WDCP: variants seen among roughly 807,000 people sequenced by gnomAD.
WDCP encodes the protein WD repeat and coiled-coil-containing protein.
A neutral mutation model predicts 41.6 loss-of-function variants in WDCP; 19 were observed. The ratio of observed to expected loss-of-function variants is 0.46; its 90% CI spans 0.32 to 0.67. The LOEUF (loss-of-function observed/expected upper bound fraction) is 0.67, where lower values mean the gene tolerates loss of function less well. Among genes scored for constraint, WDCP ranks in the 30% least tolerant of loss-of-function variants. WDCP has a pLI of 0.04. For synonymous variants in WDCP, 302 were observed against 320.8 expected, an observed-to-expected ratio of 0.94 and a Z score of 0.63; for missense variants, 802 against 850.7, an observed-to-expected ratio of 0.94 and a Z score of 0.71.
At position 24,037,879 on chromosome 2, in the gene WDCP, G is replaced by A. The variant is rs770729263; in HGVS notation, c.1616C>T (p.Pro539Leu). Residue 539 changes from proline to leucine, a missense_variant, in exon 2 of 4, where the codon CCT (proline) becomes CTT (leucine). By Grantham distance (98) the Pro-to-Leu change is moderately conservative. Around this residue, in one of 5 missense-constraint regions of WDCP, gnomAD observed 321 missense variants for 305.1 expected, o/e 1.05. Coordinates refer to ENST00000295148, the MANE Select transcript of WDCP (RefSeq NM_025203.3). The stretch of plus-strand genomic sequence containing the variant: ...GTTCTTTCTTTGAGGCAAACGAGGA[G>A]GCTCCAGTGTGCTGGTGTGGTCTGG... ...STPDHTSTLE[P>L]PRLPQRKNLQ... 1 of 1,614,062 alleles carries A rather than the reference G, an allele frequency of 6.2e-7. No homozygotes were observed. Among genetic ancestry groups the A allele is most frequent in the African/African-American group, 1.3e-5 (1 of 74,900 alleles).
chr2:24,041,559 G>GAGCCACCC (rs1413931715), intron 1 of WDCP, among the ~76,000 whole-genome samples: 1 of 151,858 alleles, frequency 6.6e-6, no homozygotes, highest in Non-Finnish European at 1.5e-5. Context: ...TCATAGGCAT[G>GAGCCACCC]AGCCACCCAG....
chr2:24,036,385 T>C (rs1229101771), intron 2 of WDCP, among the ~76,000 whole-genome samples: 1 of 151,294 alleles, frequency 6.6e-6, no homozygotes, highest in African/African-American at 2.4e-5. Flanking sequence ...CATGTGCTTG[T>C]AGTCTCAGCT....
rs1214674697 is a variant in WDCP at position 24,039,283 on chromosome 2, T to C, written c.212A>G (p.Asp71Gly). The change falls in exon 2 of 4, where the codon GAT (aspartate) becomes GGT (glycine). Residue 71 changes from aspartate (D) to glycine (G), a missense_variant. Coordinates refer to ENST00000295148, the MANE Select transcript of WDCP (RefSeq NM_025203.3). ...GACAGCGAGTAGAACAGGTGTATCA[T>C]CTGCAACAGGTGGGGCCCAGGACAA... is the stretch of plus-strand genomic sequence containing the variant. ...CGLSWAPPVA[D>G]DTPVLLAVQH... 1.2e-6 allele frequency: 2 copies of C among 1,614,094 alleles called. No individual in the cohort carries two copies. Among genetic ancestry groups the C allele is most frequent in the Non-Finnish European group, 1.7e-6 (2 of 1,180,050 alleles).
chr2:24,037,928 A>G lies in WDCP; in HGVS notation c.1567T>C (p.Ser523Pro). 2 of 1,614,148 alleles carry G rather than the reference A, an allele frequency of 1.2e-6. No individual in the cohort carries two copies. The highest frequency in any genetic ancestry group is 1.7e-6 in the Non-Finnish European group (2 of 1,180,008). The change falls in exon 2 of 4, where the codon TCG becomes CCG. Residue 523 changes from serine to proline, a missense_variant. This residue lies in a region of WDCP where 321 missense variants were observed against 305.1 expected (regional missense o/e 1.05). Coordinates refer to ENST00000295148, the MANE Select transcript of WDCP (RefSeq NM_025203.3). ...LDAEPVTQPA[S>P]LPRHSSTPDH... ...GGTGTGCTGCTGTGTCTGGGCAGCG[A>G]TGCTGGCTGGGTAACAGGCTCAGCA...
intron 1 of WDCP, among the ~76,000 whole-genome samples, chr2:24,042,251 A>C (rs1663465287): frequency 6.6e-6 from 1 of 152,002 alleles, no homozygotes; most frequent in Admixed American, 6.6e-5. Flanking sequence ...AAAATACAAA[A>C]AATTGGCCGG....
chr2:24,044,013 C>T (rs1046417835), intron 1 of WDCP, among the ~76,000 whole-genome samples: 1 of 152,184 alleles, frequency 6.6e-6, no homozygotes, highest in Non-Finnish European at 1.5e-5. Context: ...CTCTGTCCCA[C>T]TGGTCTTATG....
intron 2 of WDCP, among the ~76,000 whole-genome samples, chr2:24,036,370 G>T (rs2150949494): frequency 6.6e-6 from 1 of 152,064 alleles, no homozygotes; most frequent in South Asian, 2.1e-4. Flanking sequence ...AGCCAAGTGT[G>T]GTGGCATGTG....
rs1416010303 is a variant in WDCP, at chr2:24,038,948, T to C, written c.547A>G (p.Ile183Val). Reference sequence around the variant, plus strand: ...AGAGTCTTCTGAGCGCTGTCCCAAATATAAGAATGCAGGCTGCTGCCTACT... The same window carrying C: ...AGAGTCTTCTGAGCGCTGTCCCAAACATAAGAATGCAGGCTGCTGCCTACT... ...VAVGSSLHSYIWDSAQKTLHR... is the reference protein window; with the variant it reads ...VAVGSSLHSYVWDSAQKTLHR... The change falls in exon 2 of 4, where the codon ATT becomes GTT. Residue 183 changes from isoleucine to valine, a missense_variant. Ile to Val is a conservative substitution (Grantham distance 29). Coordinates refer to ENST00000295148, the MANE Select transcript of WDCP (RefSeq NM_025203.3). 1 of 1,614,150 alleles carries C rather than the reference T, an allele frequency of 6.2e-7. No individual in the cohort carries two copies. The highest frequency in any genetic ancestry group is 1.1e-5 in the South Asian group (1 of 91,082).
At chr2:24,044,120 A>G (rs1663538322) in intron 1 of WDCP, among the ~76,000 whole-genome samples, 1 of 152,198 alleles carries the variant, frequency 6.6e-6, no homozygotes, top group African/African-American at 2.4e-5. Context: ...GGGCAGAGAA[A>G]ATTCCTAATG....
rs1663064911 is a variant in WDCP at position 24,030,235 on chromosome 2, C to T, written c.*698G>A. On this transcript the variant is annotated 3_prime_UTR_variant, in exon 4 of 4. Coordinates refer to ENST00000295148, the MANE Select transcript of WDCP (RefSeq NM_025203.3). ...GGGCTCGACAGTGTGGTAGCAGCAT[C>T]GGCACAACCTCAAGTGGAACCCAGA... 6.6e-6 allele frequency: 1 copy of T among 152,126 alleles called. No homozygotes were observed. Among genetic ancestry groups the T allele is most frequent in the South Asian group, 2.1e-4 (1 of 4,832 alleles). The allele number at this position is 152,126 out of a possible 1,614,324, so 9.4% of individuals were successfully genotyped here.
At chr2:24,043,517 A>AAAAC (rs1663517867) in intron 1 of WDCP, among the ~76,000 whole-genome samples, 1 of 151,670 alleles carries the variant, frequency 6.6e-6, no homozygotes, top group African/African-American at 2.4e-5. Context: ...AAAACAAAAA[A>AAAAC]CCCCCCAACA....
Position 24,032,908 on chromosome 2 carries a change from C to T in WDCP, c.1857G>A (p.Ala619=), listed in dbSNP as rs370699216. The T allele has an allele frequency of 5.5e-5, 88 of 1,613,414 alleles. 1 individual carries two copies. The highest frequency in any genetic ancestry group is 3.7e-4 in the South Asian group (34 of 91,068). ...TTAGTTTACCATCACAGAGAAGCACCGCTCTTTTTTCAACAACAGGACCTA... is the reference window on the plus strand; with the variant it reads ...TTAGTTTACCATCACAGAGAAGCACTGCTCTTTTTTCAACAACAGGACCTA... The part of the protein sequence containing the change: ...YYLGPVVEKR[A]VLLCDGKLRL... The change falls in exon 3 of 4, where the codon GCG becomes GCA. Residue 619 remains alanine (A), a synonymous_variant. Transcript: ENST00000295148.
chr2:24,044,562 G>A (rs1375872778), intron 1 of WDCP, among the ~76,000 whole-genome samples: 1 of 151,894 alleles, frequency 6.6e-6, no homozygotes, highest in Non-Finnish European at 1.5e-5. Context: ...CCACTGCATG[G>A]GCCAGTTTAC....
In WDCP at chr2:24,033,006, T is replaced by C. The variant is rs1271357973; in HGVS notation, c.1819-60A>G. On this transcript the variant is annotated intron_variant, in intron 2 of 3. Transcript: ENST00000295148. ...GCAGAAGTAATCGAGTTAACATTTCTTAAGAAAGGAATGTGTAAATAGTTT... is the reference window on the plus strand; with the variant it reads ...GCAGAAGTAATCGAGTTAACATTTCCTAAGAAAGGAATGTGTAAATAGTTT... 7.6e-6 allele frequency: 8 copies of C among 1,056,230 alleles called. No individual in the cohort carries two copies. The African/African-American group carries it at 7.9e-5, about 10-fold the overall frequency. 65.4% of individuals were successfully genotyped at this position (1,056,230 alleles called of 1,614,324 possible). A position where few individuals can be genotyped will look rare whatever the true frequency, so the allele number is the denominator to read the frequency against.
Position 24,039,019 on chromosome 2 carries a change from A to G in WDCP, c.476T>C (p.Ile159Thr), listed in dbSNP as rs552984011. The change falls in exon 2 of 4, where the codon ATT (isoleucine) becomes ACT (threonine). Residue 159 changes from isoleucine to threonine, a missense_variant. By Grantham distance (89) the Ile-to-Thr change is moderately conservative. Transcript: ENST00000295148. ...VKADINTQGR[I>T]HCACWTQDGL... is the part of the protein sequence containing the mutation. ...ATCCTGGGTCCAACATGCACAGTGA[A>G]TGCGGCCCTGGGTGTTGATGTCTGC... 8.1e-6 allele frequency: 13 copies of G among 1,614,176 alleles called. No individual in the cohort carries two copies. The African/African-American group carries it at 1.3e-4, about 17-fold the overall frequency.
chr2:24,037,273 T>C (rs894711917), intron 2 of WDCP, among the ~76,000 whole-genome samples: 6 of 152,222 alleles, frequency 3.9e-5, no homozygotes, highest in Non-Finnish European at 5.9e-5. Flanking sequence ...TCCACTTGCC[T>C]CGGCCTCCCA....
chr2:24,042,472 G>A (rs1353917631), intron 1 of WDCP, among the ~76,000 whole-genome samples: 3 of 146,746 alleles, frequency 2.0e-5, no homozygotes, highest in Non-Finnish European at 4.4e-5. Flanking sequence ...GGAGGCAGAG[G>A]TTGCAGTGAA....
rs145288775 is a variant in WDCP at position 24,038,521 on chromosome 2, T to C, written c.974A>G (p.Lys325Arg). 169 of 1,614,136 alleles carry C rather than the reference T, an allele frequency of 1.0e-4. No individual in the cohort carries two copies. Among genetic ancestry groups the C allele is most frequent in the Admixed American group, 6.7e-5 (4 of 60,010 alleles). Reference protein sequence around the residue: ...DSSHLVLVTFKKAVTMTRKVT... With the variant: ...DSSHLVLVTFRKAVTMTRKVT... ...TTTTCTCGTCATGGTAACTGCCTTC[T>C]TAAAGGTCACAAGGACCAAATGTGA... The change falls in exon 2 of 4, where the codon AAG (lysine) becomes AGG (arginine). Residue 325 changes from lysine (K) to arginine (R), a missense_variant. By Grantham distance (26) the Lys-to-Arg change is conservative. Around this residue, in one of 5 missense-constraint regions of WDCP, gnomAD observed 247 missense variants for 240.5 expected, o/e 1.03. Coordinates refer to ENST00000295148, the MANE Select transcript of WDCP (RefSeq NM_025203.3).
At chr2:24,040,634 T>C (rs1663397015) in intron 1 of WDCP, among the ~76,000 whole-genome samples, 1 of 152,268 alleles carries the variant, frequency 6.6e-6, no homozygotes, top group Non-Finnish European at 1.5e-5. Context: ...CAATAATCTT[T>C]TAAAATAATG....
Sources: gnomAD v4.1 joint callset for allele counts (sites outside exome capture counted in the v4.1 genomes callset) on GRCh38, gnomAD v4.1.1 for gene constraint, gnomAD v4.1.1 regional missense constraint, MANE v1.5 for transcripts, NCBI Gene and HGNC (gene_info 2026-07-23, HGNC 2026-07-21) for gene names.